The following MICAL3 variants were observed in gnomAD, a reference collection of about 807,000 sequenced individuals.
MICAL3 encodes the protein microtubule associated monooxygenase, calponin and LIM domain containing 3.
A neutral mutation model predicts 207.4 loss-of-function variants in MICAL3; 62 were observed. That is an observed-to-expected ratio of 0.30 (90% CI 0.24 to 0.37). The LOEUF is 0.37. Ranked by LOEUF, MICAL3 falls within the 10% of genes least tolerant of loss-of-function variation. The pLI is 1.00. For missense variants in MICAL3, 2,368 were observed against 2,635.6 expected (o/e 0.90, Z 2.22); for synonymous variants, 1,077 against 1,069.3 (o/e 1.01, Z -0.14).
chr22:17,947,972 TA>T (rs553101137), intron 1 of MICAL3, among the ~76,000 whole-genome samples: 137 of 144,060 alleles, frequency 9.5e-4, no homozygotes, highest in East Asian at 7.8e-3. Context: ...AGCAAAAGTT[TA>T]AAAAAAAAAA....
chr22:17,837,859 G>A (rs1412963489), intron 20 of MICAL3, among the ~76,000 whole-genome samples: 1 of 152,152 alleles, frequency 6.6e-6, no homozygotes, highest in Non-Finnish European at 1.5e-5. Flanking sequence ...CATTTGTTTT[G>A]TTTTGTTTTT....
At chr22:17,875,450 T>C in intron 16 of MICAL3, 2 of 1,556,164 alleles carry the variant, frequency 1.3e-6, no homozygotes, top group East Asian at 2.3e-5. Flanking sequence ...ATGCTACCTG[T>C]CGGAGGGAGT....
intron 1 of MICAL3, among the ~76,000 whole-genome samples, chr22:17,946,456 A>G (rs1934071369): frequency 6.6e-6 from 1 of 152,152 alleles, no homozygotes; most frequent in African/African-American, 2.4e-5. Flanking sequence ...GTAGGGAACT[A>G]ACTTATAAAT....
intron 1 of MICAL3, among the ~76,000 whole-genome samples, chr22:17,960,217 C>T (rs1341127984): frequency 1.3e-5 from 2 of 152,222 alleles, no homozygotes; most frequent in Non-Finnish European, 1.5e-5. Context: ...GTGCTGTTCT[C>T]ACTACACTGT....
chr22:17,874,860 G>A (rs1284387181), intron 16 of MICAL3, among the ~76,000 whole-genome samples: 2 of 150,638 alleles, frequency 1.3e-5, no homozygotes, highest in Non-Finnish European at 3.0e-5. Flanking sequence ...CACACCATAC[G>A]CGTGCATATG....
intron 19 of MICAL3, among the ~76,000 whole-genome samples, chr22:17,851,688 C>A (rs191750610): frequency 6.6e-6 from 1 of 152,170 alleles, no homozygotes; most frequent in African/African-American, 2.4e-5. Context: ...CAAATGGGAA[C>A]GGCCGCCTCA....
chr22:17,830,088 C>T (rs1240836553), intron 21 of MICAL3, among the ~76,000 whole-genome samples: 2 of 152,172 alleles, frequency 1.3e-5, no homozygotes, highest in East Asian at 1.9e-4. Context: ...CTCAAATCTT[C>T]TTCCTGTGGG....
chr22:17,964,407 G>GC (rs113016354), intron 1 of MICAL3, among the ~76,000 whole-genome samples: 6 of 152,292 alleles, frequency 3.9e-5, no homozygotes, highest in African/African-American at 1.2e-4. Context: ...AACGCCACAG[G>GC]CCCCAGCGAA....
chr22:17,938,472 T>G (rs1349446602), intron 1 of MICAL3, among the ~76,000 whole-genome samples: 1 of 152,198 alleles, frequency 6.6e-6, no homozygotes, highest in Non-Finnish European at 1.5e-5. Flanking sequence ...GCCTTTTCCC[T>G]ACGCTGCTGT....
At chr22:18,003,338 A>G (rs1457493674) in intron 1 of MICAL3, among the ~76,000 whole-genome samples, 1 of 151,932 alleles carries the variant, frequency 6.6e-6, no homozygotes, top group African/African-American at 2.4e-5. Context: ...AGTAGTTCAT[A>G]ATTTCTACTT....
chr22:17,888,970 G>A, intron 13 of MICAL3, 64 bp downstream of exon 13: 2 of 1,201,080 alleles, frequency 1.7e-6, no homozygotes, highest in East Asian at 2.5e-5. Context: ...TCGGAAGGAA[G>A]GAAGAACAGC....
intron 1 of MICAL3, among the ~76,000 whole-genome samples, chr22:17,933,138 A>T (rs944333139): frequency 3.0e-4 from 46 of 152,286 alleles, no homozygotes; most frequent in African/African-American, 1.1e-3. Context: ...ACATCTACAG[A>T]ACTCTCCACC....
chr22:17,890,404 T>G (rs1342060838), intron 12 of MICAL3, among the ~76,000 whole-genome samples: 1 of 152,150 alleles, frequency 6.6e-6, no homozygotes, highest in Non-Finnish European at 1.5e-5. Context: ...GGAACAGAGC[T>G]GACTCACCTG....
intron 16 of MICAL3, among the ~76,000 whole-genome samples, chr22:17,877,350 AGGGAG>A (rs1928806206): frequency 8.3e-6 from 1 of 119,956 alleles, no homozygotes. Context: ...TAGGGAGGTT[AGGGAG>A]GTTATGGAGG....
At chr22:17,982,075 A>G (rs572899552) in intron 1 of MICAL3, among the ~76,000 whole-genome samples, 1 of 152,156 alleles carries the variant, frequency 6.6e-6, no homozygotes, top group East Asian at 1.9e-4. Flanking sequence ...ACTGCACTCC[A>G]GCCTGGGCAA....
At chr22:17,853,796 G>A (rs1925591594) in intron 19 of MICAL3, among the ~76,000 whole-genome samples, 1 of 152,346 alleles carries the variant, frequency 6.6e-6, no homozygotes, top group Admixed American at 6.5e-5. Flanking sequence ...ACCAAAGGGT[G>A]TGCACATCCA....
intron 15 of MICAL3, among the ~76,000 whole-genome samples, chr22:17,886,378 C>T (rs1279860118): frequency 6.6e-6 from 1 of 152,196 alleles, no homozygotes; most frequent in South Asian, 2.1e-4. Context: ...ACAGAAAAAA[C>T]CAGAGAGGCC....
intron 1 of MICAL3, among the ~76,000 whole-genome samples, chr22:17,919,589 T>C (rs1384516251): frequency 6.6e-6 from 1 of 152,218 alleles, no homozygotes; most frequent in Admixed American, 6.5e-5. Flanking sequence ...GAAAATGAAC[T>C]GTGTGCTTTC....
At chr22:17,820,105 C>T (rs1035902674) in intron 25 of MICAL3, among the ~76,000 whole-genome samples, 1 of 150,868 alleles carries the variant, frequency 6.6e-6, no homozygotes, top group African/African-American at 2.4e-5. Flanking sequence ...TGCACTATTG[C>T]CCATGCCAGT....
Sources: gnomAD v4.1 joint callset for allele counts (sites outside exome capture counted in the v4.1 genomes callset) on GRCh38, gnomAD v4.1.1 for gene constraint, MANE v1.5 for transcripts, NCBI Gene and HGNC (gene_info 2026-07-23, HGNC 2026-07-21) for gene names.